The following SIPA1L3 variants were observed in gnomAD, a reference collection of about 807,000 sequenced individuals.
SIPA1L3 encodes the protein signal-induced proliferation-associated 1-like protein 3.
A neutral mutation model predicts 150.1 loss-of-function variants in SIPA1L3; 59 were observed. The ratio of observed to expected loss-of-function variants is 0.39; its 90% CI spans 0.32 to 0.49. The LOEUF is 0.49. Ranked by LOEUF, SIPA1L3 falls within the 20% of genes least tolerant of loss-of-function variation. SIPA1L3 has a pLI of 0.86. For missense variants in SIPA1L3, 2,211 were observed against 2,489.5 expected, an observed-to-expected ratio of 0.89 and a Z score of 2.38; for synonymous variants, 1,070 against 1,077.6, an observed-to-expected ratio of 0.99 and a Z score of 0.14.
chr19:38,135,636 G>A (rs1372054958), intron 10 of SIPA1L3, among the ~76,000 whole-genome samples: 1 of 152,204 alleles, frequency 6.6e-6, no homozygotes, highest in African/African-American at 2.4e-5. Context: ...GCCAGGGAGA[G>A]TGCAACCAGA....
rs1468181953 is a variant in SIPA1L3, at chr19:38,193,720, C to G, written c.4780C>G (p.His1594Asp). ...TGCACGCCGCCAGCACCAGCACCCC[C>G]ACCCGCCCGTCGGCCCCGGTGCCAC... Reference protein sequence around the residue: ...LPARRQHQHPHPPVGPGATPA... With the variant: ...LPARRQHQHPDPPVGPGATPA... The change falls in exon 18 of 22, where the codon CAC becomes GAC. Residue 1594 changes from histidine to aspartate, a missense_variant. Physicochemically the swap from His to Asp is moderately conservative, Grantham distance 81. Transcript: ENST00000222345. The G allele has an allele frequency of 3.8e-6, 6 of 1,567,898 alleles. No individual in the cohort carries two copies. The highest frequency in any genetic ancestry group is 4.7e-5 in the East Asian group (2 of 42,720).
chr19:38,043,206 G>T (rs1968965613), intron 2 of SIPA1L3, among the ~76,000 whole-genome samples: 1 of 152,134 alleles, frequency 6.6e-6, no homozygotes, highest in South Asian at 2.1e-4. Flanking sequence ...CAGGCATGGT[G>T]GTGCATACCT....
At chr19:37,937,694 T>C (rs2046611944) in intron 1 of SIPA1L3, among the ~76,000 whole-genome samples, 1 of 136,318 alleles carries the variant, frequency 7.3e-6, no homozygotes, top group Non-Finnish European at 1.5e-5. Context: ...GTGAGCCTGG[T>C]TCGTGCCACT....
intron 8 of SIPA1L3, among the ~76,000 whole-genome samples, chr19:38,114,424 C>CA (rs5828003): frequency 0.052 from 5,185 of 100,144 alleles, 140 homozygotes; most frequent in Middle Eastern, 0.15. Flanking sequence ...ACTCTTGTCT[C>CA]AAAAAAAAAA....
At position 38,142,654 on chromosome 19, in the gene SIPA1L3, G is replaced by A. The variant is rs755578679; in HGVS notation, c.3477G>A (p.Gly1159=). Residue 1159 remains glycine (G), a synonymous_variant, in exon 12 of 22, where the codon GGG becomes GGA. Coordinates refer to ENST00000222345, the MANE Select transcript of SIPA1L3 (RefSeq NM_015073.3). ...TCCCTCCCTACCGACAGCCTTCTGG[G>A]AGCTTCTCCACCCCCGGTTCGGCCA... The part of the protein sequence containing the change: ...DRVPPYRQPS[G]SFSTPGSATY... 6 of 1,614,010 alleles carry A rather than the reference G, an allele frequency of 3.7e-6. No homozygotes were observed. The East Asian group carries it at 1.3e-4, about 36-fold the overall frequency.
intron 1 of SIPA1L3, among the ~76,000 whole-genome samples, chr19:37,908,677 AAGTT>A (rs2046355479): frequency 6.6e-6 from 1 of 152,022 alleles, no homozygotes; most frequent in Non-Finnish European, 1.5e-5. Flanking sequence ...AGTGAGCACA[AAGTT>A]AGTGTTTTTT....
In SIPA1L3 at chr19:38,198,425, G is replaced by A. The variant is rs1414060656; in HGVS notation, c.4877G>A (p.Gly1626Glu). 6 of 1,592,502 alleles carry A rather than the reference G, an allele frequency of 3.8e-6. No homozygotes were observed. The highest frequency in any genetic ancestry group is 4.3e-6 in the Non-Finnish European group (5 of 1,170,852). Residue 1626 changes from glycine to glutamate, a missense_variant, in exon 19 of 22, where the codon GGG becomes GAG. By Grantham distance (98) the Gly-to-Glu change is moderately conservative (BLOSUM62 -2). Transcript: ENST00000222345. ...ISASELSLAD[G>E]RDRPLRRLDP... ...GCCTCGGAGCTCTCGCTGGCTGATG[G>A]GCGGGACCGCCCCCTGCGGCGCCTG...
intron 1 of SIPA1L3, among the ~76,000 whole-genome samples, chr19:37,938,624 CTT>C (rs759856556): frequency 2.7e-4 from 36 of 131,228 alleles, no homozygotes; most frequent in Admixed American, 6.2e-4. Flanking sequence ...TTTCTTTTTT[CTT>C]TTTTTTTTTT....
At chr19:38,039,388 G>C (rs1429123016) in intron 2 of SIPA1L3, among the ~76,000 whole-genome samples, 1 of 151,198 alleles carries the variant, frequency 6.6e-6, no homozygotes, top group African/African-American at 2.4e-5. Context: ...TTTGCCAGCG[G>C]GGGGTGGGGG....
chr19:38,168,479 A>G (rs929082840), intron 15 of SIPA1L3, among the ~76,000 whole-genome samples: 1 of 152,112 alleles, frequency 6.6e-6, no homozygotes, highest in Non-Finnish European at 1.5e-5. Flanking sequence ...AATAAAAAAT[A>G]AAAATAAAAC....
At chr19:38,128,634 C>T (rs1168449303) in intron 9 of SIPA1L3, among the ~76,000 whole-genome samples, 4 of 144,604 alleles carry the variant, frequency 2.8e-5, no homozygotes, top group African/African-American at 5.8e-5. Flanking sequence ...CAGTGGCTCA[C>T]GCCTGTAATC....
intron 10 of SIPA1L3, among the ~76,000 whole-genome samples, chr19:38,140,006 G>T (rs974028235): frequency 1.3e-5 from 2 of 152,222 alleles, no homozygotes; most frequent in Non-Finnish European, 2.9e-5. Context: ...GGCATTGGGG[G>T]TTAAGTTTCC....
chr19:37,924,310 A>C (rs979515907), intron 1 of SIPA1L3, among the ~76,000 whole-genome samples: 4 of 151,924 alleles, frequency 2.6e-5, no homozygotes, highest in Non-Finnish European at 5.9e-5. Flanking sequence ...GTCCCACTGG[A>C]AGGTCTTCGG....
chr19:38,088,106 CA>C (rs1209531902), intron 3 of SIPA1L3, among the ~76,000 whole-genome samples: 4 of 152,246 alleles, frequency 2.6e-5, no homozygotes, highest in African/African-American at 9.6e-5. Flanking sequence ...TGGTCCCTGA[CA>C]GGCACCAACA....
At chr19:38,169,680 CAA>C (rs1374605126) in intron 15 of SIPA1L3, among the ~76,000 whole-genome samples, 1 of 152,236 alleles carries the variant, frequency 6.6e-6, no homozygotes, top group African/African-American at 2.4e-5. Context: ...GGCCTTGCCT[CAA>C]ATTCACGAAA....
intron 1 of SIPA1L3, among the ~76,000 whole-genome samples, chr19:37,923,834 A>G (rs960177114): frequency 6.6e-6 from 1 of 151,298 alleles, no homozygotes; most frequent in African/African-American, 2.4e-5. Context: ...ATCTTAGCTC[A>G]CTGCAACCTC....
intron 13 of SIPA1L3, among the ~76,000 whole-genome samples, chr19:38,156,103 C>T (rs569945477): frequency 2.6e-5 from 4 of 152,036 alleles, no homozygotes; most frequent in African/African-American, 9.6e-5. Context: ...AAACCAGAGA[C>T]AGTGGTTGGG....
intron 10 of SIPA1L3, among the ~76,000 whole-genome samples, chr19:38,138,612 C>T (rs958974386): frequency 4.7e-5 from 1 of 21,240 alleles, no homozygotes; most frequent in Non-Finnish European, 7.7e-5. Flanking sequence ...CGAAACAGTT[C>T]CAGAATAGGA....
At chr19:38,117,106 G>A (rs1245445035) in intron 8 of SIPA1L3, among the ~76,000 whole-genome samples, 1 of 152,196 alleles carries the variant, frequency 6.6e-6, no homozygotes. Context: ...GATGGGTTGA[G>A]AGCCTGGTTA....
Sources: gnomAD v4.1 joint callset for allele counts (sites outside exome capture counted in the v4.1 genomes callset) on GRCh38, gnomAD v4.1.1 for gene constraint, MANE v1.5 for transcripts, NCBI Gene and HGNC (gene_info 2026-07-23, HGNC 2026-07-21) for gene names.